The following EPHA5 variants were observed in gnomAD, a reference collection of about 807,000 sequenced individuals.
EPHA5 encodes the protein ephrin type-A receptor 5.
Under a neutral mutation model 105.0 loss-of-function variants are expected in EPHA5, and 60 were observed. The observed-to-expected ratio is 0.57, with a 90% CI of 0.46 to 0.71. The LOEUF (loss-of-function observed/expected upper bound fraction) is 0.71, where lower values mean the gene tolerates loss of function less well. Ranked by LOEUF, EPHA5 falls within the 30% of genes least tolerant of loss-of-function variation. The pLI is 0.00. For synonymous variants in EPHA5, 513 were observed against 449.1 expected (o/e 1.14, Z -1.80); for missense variants, 1,218 against 1,274.7 (o/e 0.96, Z 0.68).
intron 3 of EPHA5, among the ~76,000 whole-genome samples, chr4:65,553,319 G>A (rs1366713770): frequency 6.6e-6 from 1 of 152,004 alleles, no homozygotes; most frequent in African/African-American, 2.4e-5. Context: ...AACCCTGGAA[G>A]GTTGATTTAA....
chr4:65,533,951 A>G (rs201434004), intron 3 of EPHA5, among the ~76,000 whole-genome samples: 10 of 149,842 alleles, frequency 6.7e-5, no homozygotes, highest in Non-Finnish European at 1.3e-4. Flanking sequence ...ATAAATAAAT[A>G]AAAGAAAGAA....
chr4:65,669,888 G>C lies in EPHA5; in HGVS notation c.-146C>G. 1 of 1,169,944 alleles carries C rather than the reference G, an allele frequency of 8.5e-7. No individual in the cohort carries two copies. Among genetic ancestry groups the C allele is most frequent in the Non-Finnish European group, 1.1e-6 (1 of 932,160 alleles). 72.5% of individuals were successfully genotyped at this position (1,169,944 alleles called of 1,614,324 possible). ...CTGGCACGCGGCTCCTCCAAATGTAGGAACCACGGATCCGGCTGAGACAGC... is the reference window on the plus strand; with the variant it reads ...CTGGCACGCGGCTCCTCCAAATGTACGAACCACGGATCCGGCTGAGACAGC... On this transcript the variant is annotated 5_prime_UTR_variant, in exon 1 of 17. Transcript: ENST00000613740.
chr4:65,661,057 T>A (rs1404762186), intron 1 of EPHA5, among the ~76,000 whole-genome samples: 1 of 152,194 alleles, frequency 6.6e-6, no homozygotes, highest in Non-Finnish European at 1.5e-5. Flanking sequence ...AAAATGGTTT[T>A]ATTTCATTTG....
At chr4:65,486,298 G>A (rs892605943) in intron 5 of EPHA5, among the ~76,000 whole-genome samples, 8 of 144,460 alleles carry the variant, frequency 5.5e-5, no homozygotes, top group African/African-American at 2.1e-4. Flanking sequence ...TCTATATGAA[G>A]AGGGTATTTA....
intron 8 of EPHA5, among the ~76,000 whole-genome samples, chr4:65,399,443 C>A (rs1006109472): frequency 1.3e-5 from 2 of 152,174 alleles, no homozygotes; most frequent in Non-Finnish European, 2.9e-5. Flanking sequence ...GCAGAACGAG[C>A]CTAACAGGCC....
intron 2 of EPHA5, among the ~76,000 whole-genome samples, chr4:65,616,454 C>CACACACACAGAG (rs1454115764): frequency 2.6e-4 from 38 of 147,854 alleles, no homozygotes; most frequent in African/African-American, 9.2e-4. Context: ...CACACACACA[C>CACACACACAGAG]AGAGAGAGAG....
rs144365035 is a variant in EPHA5 at position 65,505,556 on chromosome 4, A to G, written c.911-10013T>C. ...AGCACCTTATTTTACCATGCCTTCA[A>G]TTAGAGAAAGCATAAAGCCAAAAAT... On this transcript the variant is annotated intron_variant, in intron 3 of 16. Coordinates refer to ENST00000613740, the MANE Select transcript of EPHA5 (RefSeq NM_001281766.3). 2.7e-3 allele frequency among the ~76,000 whole-genome samples: 408 copies of G among 152,236 alleles called. 1 individual carries two copies. The highest frequency in any genetic ancestry group is 9.6e-3 in the African/African-American group (398 of 41,564).
intron 15 of EPHA5, among the ~76,000 whole-genome samples, chr4:65,333,613 CT>C (rs778146562): frequency 0.24 from 19,322 of 78,978 alleles, 2,040 homozygotes; most frequent in Admixed American, 0.27. Flanking sequence ...GCCTGCTAGT[CT>C]TTTTTTTTTT....
chr4:65,565,264 A>G lies in EPHA5; in HGVS notation c.910+36377T>C, dbSNP rs1739417323. 3.3e-5 allele frequency among the ~76,000 whole-genome samples: 5 copies of G among 151,840 alleles called. No homozygotes were observed. The South Asian group carries it at 8.3e-4, about 25-fold the overall frequency. ...AGAGTTAATAGACCTTTAGCAGACT[A>G]AATTTTATATTATTATGCAATCTTT... On this transcript the variant is annotated intron_variant, in intron 3 of 16. Transcript: ENST00000613740.
At chr4:65,558,184 C>A (rs950646855) in intron 3 of EPHA5, among the ~76,000 whole-genome samples, 1 of 152,040 alleles carries the variant, frequency 6.6e-6, no homozygotes, top group African/African-American at 2.4e-5. Context: ...GCCCAAAATT[C>A]TTAATCTGTA....
At chr4:65,338,553 G>T (rs1316173116) in intron 14 of EPHA5, among the ~76,000 whole-genome samples, 1 of 151,472 alleles carries the variant, frequency 6.6e-6, no homozygotes, top group Non-Finnish European at 1.5e-5. Flanking sequence ...TATTTGACCT[G>T]TGAAGATATT....
intron 5 of EPHA5, among the ~76,000 whole-genome samples, chr4:65,443,962 G>A (rs1441577804): frequency 6.6e-6 from 1 of 151,792 alleles, no homozygotes; most frequent in African/African-American, 2.4e-5. Context: ...TGCGCACTGG[G>A]GGTACACATC....
intron 4 of EPHA5, among the ~76,000 whole-genome samples, chr4:65,491,445 A>G (rs1253000450): frequency 1.3e-5 from 2 of 152,086 alleles, no homozygotes; most frequent in African/African-American, 4.8e-5. Context: ...GGATGAATAA[A>G]AGCGTTCAGA....
At chr4:65,466,283 A>T (rs1039441441) in intron 5 of EPHA5, among the ~76,000 whole-genome samples, 3 of 152,254 alleles carry the variant, frequency 2.0e-5, no homozygotes, top group Non-Finnish European at 4.4e-5. Flanking sequence ...CATAAAAACA[A>T]GCATAGAAGT....
At chr4:65,503,217 T>C (rs772423246) in intron 3 of EPHA5, among the ~76,000 whole-genome samples, 13 of 151,940 alleles carry the variant, frequency 8.6e-5, no homozygotes, top group Non-Finnish European at 1.5e-4. Context: ...AATCTCACCA[T>C]CACGTAATAT....
chr4:65,416,308 C>A (rs561672533), intron 6 of EPHA5, among the ~76,000 whole-genome samples: 5 of 151,918 alleles, frequency 3.3e-5, no homozygotes, highest in African/African-American at 4.8e-5. Flanking sequence ...TGTGGGTAAA[C>A]AACTCTGAAC....
intron 3 of EPHA5, among the ~76,000 whole-genome samples, chr4:65,558,697 G>C (rs559349328): frequency 9.2e-5 from 14 of 151,640 alleles, no homozygotes; most frequent in Middle Eastern, 3.4e-3. Context: ...CCTCCTCCCC[G>C]CACCCCACAA....
intron 5 of EPHA5, among the ~76,000 whole-genome samples, chr4:65,429,954 C>T (rs1013805825): frequency 2.6e-5 from 4 of 152,018 alleles, no homozygotes; most frequent in Non-Finnish European, 5.9e-5. Context: ...CTAACAGCAA[C>T]ATGACAGCCT....
intron 5 of EPHA5, among the ~76,000 whole-genome samples, chr4:65,464,635 T>A (rs926031198): frequency 6.6e-6 from 1 of 152,078 alleles, no homozygotes; most frequent in Admixed American, 6.5e-5. Flanking sequence ...GCAGGACTAT[T>A]TAAAACATAG....
Sources: allele counts gnomAD v4.1 joint callset (sites outside exome capture counted in the v4.1 genomes callset), GRCh38; gene constraint gnomAD v4.1.1; transcripts MANE v1.5; gene names NCBI Gene and HGNC (gene_info 2026-07-23, HGNC 2026-07-21).